Variants in JMJD1C observed in about 807,000 individuals in gnomAD.
JMJD1C encodes the protein jumonji domain-containing protein 1C.
JMJD1C carries 31 observed loss-of-function variants against 245.3 expected under a neutral mutation model. The ratio of observed to expected loss-of-function variants is 0.13; its 90% CI spans 0.09 to 0.17. The LOEUF (loss-of-function observed/expected upper bound fraction) is 0.17, where lower values mean the gene tolerates loss of function less well. Ranked by LOEUF, JMJD1C falls within the 10% of genes least tolerant of loss-of-function variation. JMJD1C has a pLI of 1.00. For synonymous variants in JMJD1C, 1,057 were observed against 1,017.4 expected (o/e 1.04, Z -0.74); for missense variants, 2,691 against 3,000.2 (o/e 0.90, Z 2.41).
intron 2 of JMJD1C, among the ~76,000 whole-genome samples, chr10:63,364,599 C>A (rs1945688571): frequency 6.6e-6 from 1 of 152,122 alleles, no homozygotes; most frequent in Non-Finnish European, 1.5e-5. Context: ...AATCCTCCCA[C>A]CTCAGCCTTC....
At chr10:63,418,345 C>G (rs575628553) in intron 1 of JMJD1C, among the ~76,000 whole-genome samples, 2 of 152,164 alleles carry the variant, frequency 1.3e-5, no homozygotes, top group Non-Finnish European at 2.9e-5. Context: ...CTCATCTATC[C>G]TGCATACAGT....
intron 2 of JMJD1C, among the ~76,000 whole-genome samples, chr10:63,309,494 CAAAAAAAAAAA>C (rs71025153): frequency 3.4e-4 from 17 of 49,426 alleles, no homozygotes; most frequent in African/African-American, 1.1e-3. Context: ...GACTCCATCT[CAAAAAAAAAAA>C]AAAAAAAAAA....
chr10:63,199,020 CA>C (rs1845743399), intron 11 of JMJD1C, among the ~76,000 whole-genome samples: 1 of 152,036 alleles, frequency 6.6e-6, no homozygotes, highest in African/African-American at 2.4e-5. Context: ...TGATGAATGA[CA>C]AGAGTAAAAA....
rs150268274 is a variant in JMJD1C at position 63,264,536 on chromosome 10, C to G, written c.447+115G>C. The G allele has an allele frequency of 1.1e-3, 608 of 566,960 alleles. 5 individuals carry two copies. In the African/African-American group the frequency reaches 0.011, roughly 10 times the overall value. The allele number at this position is 566,960 out of a possible 1,614,324, so 35.1% of individuals were successfully genotyped here. A position where few individuals can be genotyped will look rare whatever the true frequency, so the allele number is the denominator to read the frequency against. ...AACTGACTGCATTCATTGGGTTTTT[C>G]ACACAACTAGAAGTTAGATGAAATG... is the stretch of plus-strand genomic sequence containing the variant. On this transcript the variant is annotated intron_variant, in intron 3 of 25. Transcript: ENST00000399262.
At chr10:63,402,052 T>C (rs1206789959) in intron 1 of JMJD1C, among the ~76,000 whole-genome samples, 1 of 150,998 alleles carries the variant, frequency 6.6e-6, no homozygotes, top group Non-Finnish European at 1.5e-5. Context: ...GAGAATCGCT[T>C]GAACCTGGGA....
intron 22 of JMJD1C, among the ~76,000 whole-genome samples, chr10:63,179,751 C>T (rs1000889743): frequency 6.9e-6 from 1 of 145,194 alleles, no homozygotes; most frequent in Non-Finnish European, 1.5e-5. Flanking sequence ...CCAGCCTGGG[C>T]AACAGAGCAA....
At chr10:63,203,474 AC>A (rs1846250677) in intron 10 of JMJD1C, 1 of 984,962 alleles carries the variant, frequency 1.0e-6, no homozygotes, top group African/African-American at 1.7e-5. Flanking sequence ...CTGATATGCC[AC>A]CCCCTTAAAA....
At chr10:63,172,069 G>C (rs1842422692) in intron 24 of JMJD1C, among the ~76,000 whole-genome samples, 1 of 152,210 alleles carries the variant, frequency 6.6e-6, no homozygotes, top group Non-Finnish European at 1.5e-5. Flanking sequence ...CTTTTGTACA[G>C]CTGGCAATTT....
chr10:63,428,023 T>C (rs1258318617), intron 1 of JMJD1C: 3 of 615,016 alleles, frequency 4.9e-6, no homozygotes, highest in Non-Finnish European at 8.9e-6. Flanking sequence ...CTGTACTTTA[T>C]CATTAAAAAT....
At chr10:63,387,373 G>A (rs1210002313) in intron 1 of JMJD1C, among the ~76,000 whole-genome samples, 2 of 151,862 alleles carry the variant, frequency 1.3e-5, no homozygotes, top group African/African-American at 4.8e-5. Context: ...TGAAAATATT[G>A]ATACTAAAGT....
chr10:63,267,244 G>A (rs1304740288), intron 2 of JMJD1C, among the ~76,000 whole-genome samples: 1 of 152,122 alleles, frequency 6.6e-6, no homozygotes, highest in Non-Finnish European at 1.5e-5. Flanking sequence ...CAGTGAATAT[G>A]TGTGACTGCT....
At chr10:63,468,498 TTTC>T (rs1953389005), upstream of JMJD1C, among the ~76,000 whole-genome samples, 1 of 152,226 alleles carries the variant, frequency 6.6e-6, no homozygotes, top group Non-Finnish European at 1.5e-5. Context: ...AGAATATTTG[TTTC>T]TTAACTTGTT....
chr10:63,331,083 C>A (rs1023469329), intron 2 of JMJD1C, among the ~76,000 whole-genome samples: 1 of 152,116 alleles, frequency 6.6e-6, no homozygotes, highest in Non-Finnish European at 1.5e-5. Context: ...TTCTAAAATA[C>A]GTACTATCAA....
chr10:63,198,034 T>C (rs1274878991), intron 12 of JMJD1C, among the ~76,000 whole-genome samples: 1 of 152,252 alleles, frequency 6.6e-6, no homozygotes, highest in Non-Finnish European at 1.5e-5. Context: ...GCATCTACTA[T>C]GTTAGGAACT....
intron 1 of JMJD1C, among the ~76,000 whole-genome samples, chr10:63,473,165 A>G (rs998523235): frequency 6.6e-6 from 1 of 152,202 alleles, no homozygotes; most frequent in Non-Finnish European, 1.5e-5. Context: ...CTATAAAACT[A>G]ATAAAGATGA....
chr10:63,316,666 T>C (rs1564777131), intron 2 of JMJD1C, among the ~76,000 whole-genome samples: 1 of 152,212 alleles, frequency 6.6e-6, no homozygotes, highest in East Asian at 1.9e-4. Flanking sequence ...CAAGTTGGTC[T>C]TGAACTCCTG....
chr10:63,223,132 CA>C (rs57849390), intron 3 of JMJD1C: 1,147 of 413,198 alleles, frequency 2.8e-3, no homozygotes, highest in East Asian at 8.2e-3. Flanking sequence ...AAATTATCTG[CA>C]AAAAAAAAAA....
At chr10:63,295,274 T>G (rs1380954478) in intron 2 of JMJD1C, among the ~76,000 whole-genome samples, 2 of 151,626 alleles carry the variant, frequency 1.3e-5, no homozygotes, top group African/African-American at 2.4e-5. Flanking sequence ...TTTTTTTTTT[T>G]TTTGGTAGAG....
chr10:63,449,227 GAA>G (rs1951889529), intron 1 of JMJD1C, among the ~76,000 whole-genome samples: 1 of 152,108 alleles, frequency 6.6e-6, no homozygotes, highest in Non-Finnish European at 1.5e-5. Context: ...TTTTGAATGA[GAA>G]ATTTTTTGTT....
Sources: gnomAD v4.1 joint callset for allele counts (sites outside exome capture counted in the v4.1 genomes callset) on GRCh38, gnomAD v4.1.1 for gene constraint, MANE v1.5 for transcripts, NCBI Gene and HGNC (gene_info 2026-07-23, HGNC 2026-07-21) for gene names.